The following DAP3 variants were observed in gnomAD, a reference collection of about 807,000 sequenced individuals.
DAP3 encodes the protein small ribosomal subunit protein mS29.
A neutral mutation model predicts 51.9 loss-of-function variants in DAP3; 28 were observed. That is an observed-to-expected ratio of 0.54 (90% CI 0.40 to 0.74). The LOEUF (loss-of-function observed/expected upper bound fraction) is 0.74. DAP3 is among the 30% of genes least tolerant of loss of function. The probability of loss-of-function intolerance (pLI) is 0.00; values close to 1 mark genes in which losing one functional copy is unlikely to be tolerated. For missense variants in DAP3, 458 were observed against 483.5 expected (o/e 0.95, Z 0.49); for synonymous variants, 170 against 170.3 (o/e 1.00, Z 0.01).
chr1:155,688,583 G>T, upstream of DAP3: 2 of 1,536,642 alleles, frequency 1.3e-6, no homozygotes, highest in Non-Finnish European at 1.7e-6. Context: ...GCTCACCCAC[G>T]GGAACCTCCT....
chr1:155,717,054 A>G lies in DAP3; in HGVS notation c.94A>G (p.Ile32Val), dbSNP rs200523835. 1.2e-6 allele frequency: 2 copies of G among 1,614,064 alleles called. No individual in the cohort carries two copies. Among genetic ancestry groups the G allele is most frequent in the Middle Eastern group, 1.6e-4 (1 of 6,062 alleles). The stretch of plus-strand genomic sequence containing the variant: ...CATGGGGACCCAGGCTCGCCAAAGC[A>G]TTGCTGCTCACCTAGATAACCAGGT... Reference protein sequence around the residue: ...LHMGTQARQSIAAHLDNQVPV... With the variant: ...LHMGTQARQSVAAHLDNQVPV... Residue 32 changes from isoleucine to valine, a missense_variant, in exon 3 of 13, where the codon ATT (isoleucine) becomes GTT (valine). Coordinates refer to ENST00000368336, the MANE Select transcript of DAP3 (RefSeq NM_004632.4).
intron 1 of DAP3, among the ~76,000 whole-genome samples, chr1:155,699,414 T>C (rs1011684405): frequency 1.3e-5 from 2 of 152,174 alleles, no homozygotes; most frequent in Non-Finnish European, 2.9e-5. Flanking sequence ...AACATAATGG[T>C]GATCAGAAGA....
intron 1 of DAP3, among the ~76,000 whole-genome samples, 153 bp from the exon 2 acceptor site, chr1:155,709,620 C>T (rs1656443238): frequency 6.6e-6 from 1 of 151,886 alleles, no homozygotes; most frequent in African/African-American, 2.4e-5. Context: ...ATGCCTTTTG[C>T]TCATTTTTTT....
intron 1 of DAP3, among the ~76,000 whole-genome samples, chr1:155,700,536 G>T (rs1388998805): frequency 6.7e-6 from 1 of 150,134 alleles, no homozygotes; most frequent in Admixed American, 6.6e-5. Flanking sequence ...TCAGCCCCCC[G>T]CCCGGCCAGC....
chr1:155,717,230 T>C (rs995358447), intron 3 of DAP3, 102 bp downstream of exon 3: 9 of 1,538,874 alleles, frequency 5.8e-6, no homozygotes, highest in Non-Finnish European at 7.0e-6. Context: ...CTTAGTAGAT[T>C]TGCATTTACT....
chr1:155,695,620 C>T (rs1394816575), intron 1 of DAP3, among the ~76,000 whole-genome samples: 1 of 152,160 alleles, frequency 6.6e-6, no homozygotes, highest in African/African-American at 2.4e-5. Flanking sequence ...AAGAGTTGAA[C>T]AATTGATAAA....
In DAP3 at chr1:155,708,495, A is replaced by C. The variant is rs542826319; in HGVS notation, c.-7-1278A>C. On this transcript the variant is annotated intron_variant, in intron 1 of 12. Coordinates refer to ENST00000368336, the MANE Select transcript of DAP3 (RefSeq NM_004632.4). ...CAATGTAATGTTTCGCAGCCTATTT[A>C]ACATTTGCTATTGTCTGACTTTTTA... is the stretch of plus-strand genomic sequence containing the variant. Among the ~76,000 whole-genome samples, 12 of 151,268 alleles carry C rather than the reference A, an allele frequency of 7.9e-5. No homozygotes were observed. The South Asian group carries it at 1.5e-3, about 18-fold the overall frequency.
rs141698707 is a variant in DAP3 at position 155,697,892 on chromosome 1, G to C, written c.-8+8718G>C. 3.1e-4 allele frequency among the ~76,000 whole-genome samples: 47 copies of C among 152,302 alleles called. 1 individual carries two copies. Among genetic ancestry groups the C allele is most frequent in the African/African-American group, 9.1e-4 (38 of 41,566 alleles). On this transcript the variant is annotated intron_variant, in intron 1 of 12. Transcript: ENST00000368336. ...CAACTGCATAAGACAGACACTCCCAGAGCAGCGATTTTACAGATGTCTCCC... is the reference window on the plus strand; with the variant it reads ...CAACTGCATAAGACAGACACTCCCACAGCAGCGATTTTACAGATGTCTCCC...
At position 155,738,432 on chromosome 1, in the gene DAP3, C is replaced by T. The variant is rs1557807470; in HGVS notation, c.*190C>T. 8.3e-6 allele frequency: 4 copies of T among 480,000 alleles called. No homozygotes were observed. Among genetic ancestry groups the T allele is most frequent in the Non-Finnish European group, 1.5e-5 (4 of 273,114 alleles). 29.7% of individuals were successfully genotyped at this position (480,000 alleles called of 1,614,324 possible). ...TGTGAATGCGTGACAATAAGATATT[C>T]CCTTGTTCCTAAAACTTTATATCAG... is the stretch of plus-strand genomic sequence containing the variant. On this transcript the variant is annotated 3_prime_UTR_variant, in exon 13 of 13. Coordinates refer to ENST00000368336, the MANE Select transcript of DAP3 (RefSeq NM_004632.4).
intron 2 of DAP3, among the ~76,000 whole-genome samples, chr1:155,710,846 T>G (rs1165777279): frequency 6.6e-6 from 1 of 152,168 alleles, no homozygotes; most frequent in East Asian, 1.9e-4. Context: ...GTCCATGTTC[T>G]CCAGAAGCTT....
chr1:155,688,830 C>G (rs984822275), upstream of DAP3: 3 of 1,576,534 alleles, frequency 1.9e-6, no homozygotes, highest in East Asian at 7.0e-5. Flanking sequence ...CCATTCCTGG[C>G]GGCTGCAGGG....
intron 11 of DAP3, among the ~76,000 whole-genome samples, chr1:155,736,160 G>A (rs2149209218): frequency 6.6e-6 from 1 of 151,742 alleles, no homozygotes; most frequent in Admixed American, 6.6e-5. Flanking sequence ...TTTTAGTAGA[G>A]ACAGTAATTT....
chr1:155,729,757 C>G (rs752475095), intron 9 of DAP3, among the ~76,000 whole-genome samples: 2 of 151,962 alleles, frequency 1.3e-5, no homozygotes, highest in African/African-American at 4.8e-5. Flanking sequence ...GCACACCAAC[C>G]TGGGTGACAG....
At chr1:155,717,524 C>T (rs995829793) in intron 3 of DAP3, among the ~76,000 whole-genome samples, 12 of 152,122 alleles carry the variant, frequency 7.9e-5, no homozygotes, top group Admixed American at 7.2e-4. Flanking sequence ...TATTTCAGGC[C>T]GATGGACTGA....
At chr1:155,710,058 G>T in intron 2 of DAP3, 1 of 399,754 alleles carries the variant, frequency 2.5e-6, no homozygotes, top group East Asian at 3.6e-5. Context: ...TATTTCTCTA[G>T]CCAACTAGAG....
At chr1:155,735,112 A>G (rs867484533) in intron 11 of DAP3, among the ~76,000 whole-genome samples, 1 of 150,464 alleles carries the variant, frequency 6.6e-6, no homozygotes, top group Non-Finnish European at 1.5e-5. Context: ...AAAAATGAAA[A>G]AAAAAAAAAA....
In DAP3 at chr1:155,697,739, A is replaced by T. The variant is rs1420531754; in HGVS notation, c.-8+8565A>T. 8.5e-5 allele frequency among the ~76,000 whole-genome samples: 13 copies of T among 152,272 alleles called. No individual in the cohort carries two copies. The South Asian group carries it at 1.7e-3, about 19-fold the overall frequency. On this transcript the variant is annotated intron_variant, in intron 1 of 12. Transcript: ENST00000368336. ...ACATTGGACGTTGATATTGATAAAC[A>T]TCTTAACAGGAAACAGGGTTCGAGA...
At chr1:155,704,259 T>C (rs2149132649) in intron 1 of DAP3, among the ~76,000 whole-genome samples, 3 of 152,346 alleles carry the variant, frequency 2.0e-5, no homozygotes, top group East Asian at 3.9e-4. Flanking sequence ...GGGTTCAAGA[T>C]GATAGTGTCC....
chr1:155,729,005 C>T (rs1658913374), intron 7 of DAP3, 37 bp from the exon 8 acceptor site: 2 of 1,602,800 alleles, frequency 1.2e-6, no homozygotes, highest in African/African-American at 1.3e-5. Flanking sequence ...GCCAAGTAGC[C>T]TTTTTTTTGG....
Sources: gnomAD v4.1 joint callset for allele counts (sites outside exome capture counted in the v4.1 genomes callset) on GRCh38, gnomAD v4.1.1 for gene constraint, MANE v1.5 for transcripts, NCBI Gene and HGNC (gene_info 2026-07-23, HGNC 2026-07-21) for gene names.